SBF2: variants seen among roughly 807,000 people sequenced by gnomAD.
The protein encoded by SBF2 is SET binding factor 2.
Under a neutral mutation model 225.2 loss-of-function variants are expected in SBF2, and 112 were observed. The ratio of observed to expected loss-of-function variants is 0.50; its 90% CI spans 0.43 to 0.58. The LOEUF (loss-of-function observed/expected upper bound fraction) is 0.58, where lower values mean the gene tolerates loss of function less well. Ranked by LOEUF, SBF2 falls within the 20% of genes least tolerant of loss-of-function variation. The probability of loss-of-function intolerance (pLI) is 0.00; values close to 1 mark genes in which losing one functional copy is unlikely to be tolerated. For missense variants in SBF2, 1,996 were observed against 2,206.2 expected, an observed-to-expected ratio of 0.90 and a Z score of 1.91; for synonymous variants, 763 against 773.3, an observed-to-expected ratio of 0.99 and a Z score of 0.22.
chr11:9,934,068 C>A (rs1389626917), intron 16 of SBF2, among the ~76,000 whole-genome samples: 1 of 134,646 alleles, frequency 7.4e-6, no homozygotes, highest in African/African-American at 2.9e-5. Flanking sequence ...GGTGACAGAG[C>A]GAGACTGTCT....
intron 12 of SBF2, 118 bp downstream of exon 12, chr11:9,992,297 G>A: frequency 1.4e-6 from 1 of 739,524 alleles, no homozygotes. Flanking sequence ...ATAACATTGG[G>A]ATTATTTAAT....
chr11:9,829,890 C>G (rs532647273), intron 27 of SBF2, among the ~76,000 whole-genome samples: 1 of 152,352 alleles, frequency 6.6e-6, no homozygotes, highest in South Asian at 2.1e-4. Context: ...CCATCCTGAC[C>G]AGGTTATTGC....
chr11:9,928,299 G>A (rs1441796112), intron 16 of SBF2, among the ~76,000 whole-genome samples: 1 of 152,108 alleles, frequency 6.6e-6, no homozygotes, highest in Non-Finnish European at 1.5e-5. Context: ...CAAAATATTT[G>A]AACATACATC....
chr11:10,265,566 AC>A (rs1182614371), intron 1 of SBF2, among the ~76,000 whole-genome samples: 6 of 152,120 alleles, frequency 3.9e-5, no homozygotes, highest in African/African-American at 1.4e-4. Flanking sequence ...ATACAAACAT[AC>A]AGTCAATATA....
rs560344851 is a variant in SBF2, at chr11:10,054,964, C to T, written c.142-11983G>A. ...TTGCCCTGTCACCCAAGCTGGAGTGCGGTGGCAAGATCTCGGCTCACTGCA... is the reference window on the plus strand; with the variant it reads ...TTGCCCTGTCACCCAAGCTGGAGTGTGGTGGCAAGATCTCGGCTCACTGCA... On this transcript the variant is annotated intron_variant, in intron 2 of 39. Transcript: ENST00000256190. Among the ~76,000 whole-genome samples the T allele has an allele frequency of 3.9e-5, 6 of 152,006 alleles. No individual in the cohort carries two copies. The East Asian group carries it at 7.7e-4, about 20-fold the overall frequency.
At chr11:10,046,436 C>T (rs760912357) in intron 2 of SBF2, among the ~76,000 whole-genome samples, 3 of 152,090 alleles carry the variant, frequency 2.0e-5, no homozygotes, top group Non-Finnish European at 4.4e-5. Context: ...GAATTCATCC[C>T]AGGCATGCAA....
chr11:10,133,481 C>T (rs1238382420), intron 2 of SBF2, among the ~76,000 whole-genome samples: 14 of 140,600 alleles, frequency 1.0e-4, no homozygotes, highest in East Asian at 6.7e-4. Flanking sequence ...AGCGAGAAAT[C>T]GAACGCAGTG....
chr11:10,178,055 T>C (rs1359364870), intron 2 of SBF2, among the ~76,000 whole-genome samples: 2 of 147,002 alleles, frequency 1.4e-5, no homozygotes, highest in African/African-American at 5.1e-5. Context: ...TACAACTATC[T>C]GATCTTTGAC....
chr11:9,907,656 T>C (rs1351286414), intron 16 of SBF2, among the ~76,000 whole-genome samples: 1 of 152,210 alleles, frequency 6.6e-6, no homozygotes, highest in Non-Finnish European at 1.5e-5. Context: ...ATGCTAGGCT[T>C]GACAAATAAT....
chr11:9,910,954 G>A (rs1039616145), intron 16 of SBF2, among the ~76,000 whole-genome samples: 4 of 151,426 alleles, frequency 2.6e-5, no homozygotes, highest in Non-Finnish European at 4.4e-5. Flanking sequence ...AGCTACTCAG[G>A]AGGCTGAGGC....
intron 16 of SBF2, among the ~76,000 whole-genome samples, chr11:9,930,302 T>A (rs527240498): frequency 3.9e-5 from 6 of 152,304 alleles, no homozygotes; most frequent in African/African-American, 1.4e-4. Flanking sequence ...TAAAAAGGAA[T>A]GATCTATTGA....
intron 2 of SBF2, among the ~76,000 whole-genome samples, chr11:10,093,284 G>A (rs1951859188): frequency 6.6e-6 from 1 of 151,232 alleles, no homozygotes; most frequent in African/African-American, 2.4e-5. Flanking sequence ...CAAAGTGCTG[G>A]GATTATAGGT....
chr11:9,861,492 C>T (rs1385562219), intron 17 of SBF2, among the ~76,000 whole-genome samples: 3 of 151,928 alleles, frequency 2.0e-5, no homozygotes, highest in Non-Finnish European at 1.5e-5. Context: ...GGTGAAACCC[C>T]GTCTCTACTA....
intron 2 of SBF2, among the ~76,000 whole-genome samples, chr11:10,129,341 T>G (rs1953919360): frequency 8.7e-6 from 1 of 114,858 alleles, no homozygotes; most frequent in African/African-American, 3.0e-5. Flanking sequence ...TGACCTCAAG[T>G]GATCTGCTGC....
Position 9,900,741 on chromosome 11 carries a change from T to A in SBF2, c.1861-4730A>T, listed in dbSNP as rs188784864. Among the ~76,000 whole-genome samples, 918 of 152,170 alleles carry A rather than the reference T, an allele frequency of 6.0e-3. 9 individuals are homozygous for A. The highest frequency in any genetic ancestry group is 0.017 in the African/African-American group (687 of 41,504). Reference sequence around the variant, plus strand: ...ATAACAAAAAGATCATTTAAAAAAATTTTTTTTAAATGTTCTTAGACAGGA... The same window carrying A: ...ATAACAAAAAGATCATTTAAAAAAAATTTTTTTAAATGTTCTTAGACAGGA... On this transcript the variant is annotated intron_variant, in intron 16 of 39. Transcript: ENST00000256190.
At chr11:9,976,173 A>C (rs1250662613) in intron 13 of SBF2, among the ~76,000 whole-genome samples, 1 of 149,680 alleles carries the variant, frequency 6.7e-6, no homozygotes, top group Admixed American at 6.7e-5. Flanking sequence ...TCCCAGGTTC[A>C]AGCGATTCTC....
At chr11:9,953,336 C>T (rs1865968568) in intron 16 of SBF2, among the ~76,000 whole-genome samples, 1 of 151,778 alleles carries the variant, frequency 6.6e-6, no homozygotes, top group African/African-American at 2.4e-5. Flanking sequence ...CCCAGCTACT[C>T]GGGAGGCTGA....
At chr11:9,965,365 G>A (rs1866837448) in intron 14 of SBF2, among the ~76,000 whole-genome samples, 1 of 143,570 alleles carries the variant, frequency 7.0e-6, no homozygotes, top group Non-Finnish European at 1.5e-5. Context: ...GCAATGGCAC[G>A]ATCTCGGCTG....
chr11:9,785,307 G>A lies in SBF2; in HGVS notation c.5049C>T (p.His1683=), dbSNP rs758282526. 7 of 1,614,060 alleles carry A rather than the reference G, an allele frequency of 4.3e-6. No homozygotes were observed. The South Asian group carries it at 6.6e-5, about 15-fold the overall frequency. The change falls in exon 37 of 40, where the codon CAC becomes CAT. Residue 1683 remains histidine (H), a synonymous_variant. Coordinates refer to ENST00000256190, the MANE Select transcript of SBF2 (RefSeq NM_030962.4). ...EEPRTDRSQR[H]LSRSPGIVST... is the part of the protein sequence containing the mutation. ...ACACAATTCCTGGGGATCTCGACAG[G>A]TGTCTTTGGGACTGAAAAAGACAGG...
Sources: allele counts gnomAD v4.1 joint callset (sites outside exome capture counted in the v4.1 genomes callset), GRCh38; gene constraint gnomAD v4.1.1; transcripts MANE v1.5; gene names NCBI Gene and HGNC (gene_info 2026-07-23, HGNC 2026-07-21).